PTPN3: variants seen among roughly 807,000 people sequenced by gnomAD.
PTPN3 encodes protein tyrosine phosphatase non-receptor type 3.
PTPN3 carries 96 observed loss-of-function variants against 132.7 expected under a neutral mutation model. The observed-to-expected ratio is 0.72, with a 90% CI of 0.61 to 0.86. The LOEUF (loss-of-function observed/expected upper bound fraction) is 0.86, where lower values mean the gene tolerates loss of function less well. Ranked by LOEUF, PTPN3 falls within the 40% of genes least tolerant of loss-of-function variation. PTPN3 has a pLI of 0.00. For synonymous variants in PTPN3, 398 were observed against 429.0 expected (o/e 0.93, Z 0.89); for missense variants, 1,125 against 1,159.6 (o/e 0.97, Z 0.43).
intron 5 of PTPN3, chr9:109,449,294 A>T (rs1169140983): frequency 5.0e-6 from 5 of 990,430 alleles, no homozygotes; most frequent in Non-Finnish European, 6.0e-6. Flanking sequence ...CCCAAGCTCC[A>T]TCTGCATGAA....
At chr9:109,506,514 T>TCTTTCCTTCCTTCCTC in the PTPN3 span, among the ~76,000 whole-genome samples, 1 of 149,586 alleles carries the variant, frequency 6.7e-6, no homozygotes, top group African/African-American at 2.5e-5. Flanking sequence ...CTTCCTTCCT[T>TCTTTCCTTCCTTCCTC]CTTTCCTTCC....
intron 7 of PTPN3, among the ~76,000 whole-genome samples, chr9:109,444,689 A>T (rs1844732160): frequency 6.6e-6 from 1 of 152,198 alleles, no homozygotes; most frequent in Non-Finnish European, 1.5e-5. Flanking sequence ...TACATATATG[A>T]TTCACATTAT....
intron 1 of PTPN3, among the ~76,000 whole-genome samples, chr9:109,482,949 T>G (rs548839472): frequency 5.3e-5 from 8 of 152,352 alleles, no homozygotes; most frequent in Admixed American, 4.6e-4. Context: ...TGCCCGGTGT[T>G]GGAGCCCTAT....
intron 4 of PTPN3, among the ~76,000 whole-genome samples, chr9:109,455,116 G>T (rs1014654492): frequency 6.6e-6 from 1 of 152,150 alleles, no homozygotes; most frequent in Non-Finnish European, 1.5e-5. Flanking sequence ...CTTTGATTCT[G>T]CTATACCACA....
At chr9:109,436,657 A>G (rs1844074273) in intron 9 of PTPN3, among the ~76,000 whole-genome samples, 1 of 152,148 alleles carries the variant, frequency 6.6e-6, no homozygotes, top group Admixed American at 6.5e-5. Context: ...TAGTCCCCTA[A>G]CCCTTCAAAA....
At chr9:109,448,002 C>G (rs534010377) in intron 6 of PTPN3, among the ~76,000 whole-genome samples, 106 of 152,316 alleles carry the variant, frequency 7.0e-4, no homozygotes, top group Non-Finnish European at 1.5e-3. Context: ...CTACCCAACC[C>G]AATTCTGGCT....
intron 9 of PTPN3, among the ~76,000 whole-genome samples, chr9:109,436,162 A>C (rs1443136342): frequency 2.0e-5 from 3 of 152,236 alleles, no homozygotes; most frequent in African/African-American, 7.2e-5. Flanking sequence ...TTCCTTTTGG[A>C]TATGATGTGG....
the PTPN3 span, among the ~76,000 whole-genome samples, chr9:109,508,221 C>A: frequency 6.6e-6 from 1 of 151,212 alleles, no homozygotes; most frequent in Non-Finnish European, 1.5e-5. Context: ...AGTGCAGCGG[C>A]GCGATCTTGG....
At chr9:109,427,953 C>T (rs925929042) in intron 11 of PTPN3, among the ~76,000 whole-genome samples, 1 of 152,186 alleles carries the variant, frequency 6.6e-6, no homozygotes, top group Non-Finnish European at 1.5e-5. Flanking sequence ...GCTGTGGGAG[C>T]CTCAGTTTCC....
At chr9:109,534,277 G>A in the PTPN3 span, 1 of 1,543,202 alleles carries the variant, frequency 6.5e-7, no homozygotes, top group South Asian at 1.1e-5. Flanking sequence ...GCTGAGGGCG[G>A]GGGGCGGCGA....
chr9:109,438,236 T>G lies in PTPN3; in HGVS notation c.467-2A>C. The G allele has an allele frequency of 6.2e-7, 1 of 1,608,598 alleles. No individual in the cohort carries two copies. The highest frequency in any genetic ancestry group is 1.1e-5 in the South Asian group (1 of 89,530). Reference sequence around the variant, plus strand: ...AAGAATTATAGTCTCCAAAATGAGCTATCAAGACAGAAGAAGGGGAAAATC... The same window carrying G: ...AAGAATTATAGTCTCCAAAATGAGCGATCAAGACAGAAGAAGGGGAAAATC... On this transcript the variant is annotated splice_acceptor_variant, in intron 7 of 25. Coordinates refer to ENST00000374541, the MANE Select transcript of PTPN3 (RefSeq NM_002829.4). LOFTEE classifies it high-confidence loss of function.
rs114247127 is a variant in PTPN3 at position 109,492,446 on chromosome 9, G to A, written c.-18+5773C>T. The stretch of plus-strand genomic sequence containing the variant: ...GAGGAGGGACCTTCACTCACCCACA[G>A]CGACTCTCAGCACTGAACACAGATC... On this transcript the variant is annotated intron_variant, in intron 1 of 25. Coordinates refer to ENST00000374541, the MANE Select transcript of PTPN3 (RefSeq NM_002829.4). 5.8e-3 allele frequency among the ~76,000 whole-genome samples: 886 copies of A among 152,306 alleles called. 11 individuals are homozygous for A. The highest frequency in any genetic ancestry group is 0.02 in the African/African-American group (822 of 41,566).
intron 4 of PTPN3, among the ~76,000 whole-genome samples, chr9:109,455,657 T>C (rs1176632943): frequency 6.6e-6 from 1 of 152,224 alleles, no homozygotes; most frequent in East Asian, 1.9e-4. Context: ...CTTGGGATGC[T>C]TGTTCACCTC....
chr9:109,470,245 G>A (rs928040186), intron 1 of PTPN3, among the ~76,000 whole-genome samples: 2 of 152,248 alleles, frequency 1.3e-5, no homozygotes, highest in African/African-American at 2.4e-5. Context: ...TAGTACCAGC[G>A]TTGTTCTCTC....
the PTPN3 span, among the ~76,000 whole-genome samples, chr9:109,536,332 T>C: frequency 5.3e-5 from 8 of 152,226 alleles, no homozygotes; most frequent in Non-Finnish European, 1.2e-4. Context: ...TATCCATGTA[T>C]ACCGATCTTC....
intron 25 of PTPN3, among the ~76,000 whole-genome samples, chr9:109,380,111 T>G (rs1838918832): frequency 6.6e-6 from 1 of 152,238 alleles, no homozygotes; most frequent in Non-Finnish European, 1.5e-5. Context: ...AAAGATGCTC[T>G]GCAGGATACA....
chr9:109,481,829 G>A (rs965664868), intron 1 of PTPN3, among the ~76,000 whole-genome samples: 10 of 152,214 alleles, frequency 6.6e-5, no homozygotes, highest in Admixed American at 5.2e-4. Context: ...AGGCAGATGG[G>A]TGGGCACTGC....
intron 6 of PTPN3, among the ~76,000 whole-genome samples, chr9:109,448,589 T>C (rs1845017567): frequency 6.6e-6 from 1 of 152,148 alleles, no homozygotes. Context: ...TCCTTTGTAA[T>C]AAAACTGAAA....
chr9:109,419,636 T>C (rs916090237), intron 14 of PTPN3, among the ~76,000 whole-genome samples: 1 of 152,014 alleles, frequency 6.6e-6, no homozygotes, highest in Non-Finnish European at 1.5e-5. Flanking sequence ...AAAAGACCCA[T>C]ATAACAAAGG....
Sources: gnomAD v4.1 joint callset for allele counts (sites outside exome capture counted in the v4.1 genomes callset) on GRCh38, gnomAD v4.1.1 for gene constraint, MANE v1.5 for transcripts, NCBI Gene and HGNC (gene_info 2026-07-23, HGNC 2026-07-21) for gene names.